Variants in SHQ1 observed in about 807,000 individuals in gnomAD.
The protein encoded by SHQ1 is SHQ1, H/ACA ribonucleoprotein assembly factor, also known as protein SHQ1 homolog.
SHQ1 carries 49 observed loss-of-function variants against 53.8 expected under a neutral mutation model. The observed-to-expected ratio is 0.91, with a 90% CI of 0.72 to 1.16. The LOEUF (loss-of-function observed/expected upper bound fraction) is 1.16, where lower values mean the gene tolerates loss of function less well. Among genes scored for constraint, SHQ1 ranks in the 50% most tolerant of loss-of-function variants. The pLI, the probability that SHQ1 is intolerant of heterozygous loss-of-function variation, is 0.00. For missense variants in SHQ1, 738 were observed against 683.1 expected (o/e 1.08, Z -0.90); for synonymous variants, 243 against 251.0 (o/e 0.97, Z 0.30).
intron 10 of SHQ1, chr3:72,753,151 AG>A: frequency 1.0e-6 from 1 of 984,302 alleles, no homozygotes; most frequent in East Asian, 1.1e-4. Flanking sequence ...TGACAACTGA[AG>A]AAAGGTGACA....
At chr3:72,825,512 A>T (rs1228158770) in intron 5 of SHQ1, among the ~76,000 whole-genome samples, 1 of 152,154 alleles carries the variant, frequency 6.6e-6, no homozygotes, top group Non-Finnish European at 1.5e-5. Context: ...ATTTGTAGAG[A>T]ACAGAAAGCT....
intron 1 of SHQ1, chr3:72,846,244 C>T: frequency 2.0e-6 from 3 of 1,534,750 alleles, no homozygotes; most frequent in African/African-American, 1.4e-5. Context: ...AGTCTCCATT[C>T]TTCAAGGAGA....
chr3:72,767,062 T>A (rs1705745929), intron 10 of SHQ1, among the ~76,000 whole-genome samples: 1 of 152,194 alleles, frequency 6.6e-6, no homozygotes, highest in Non-Finnish European at 1.5e-5. Context: ...TTGACAAAGA[T>A]GAAGCCTAGA....
chr3:72,761,487 T>C (rs993656213), intron 10 of SHQ1, among the ~76,000 whole-genome samples: 4 of 152,234 alleles, frequency 2.6e-5, no homozygotes, highest in African/African-American at 9.6e-5. Context: ...ATAAAATTTT[T>C]AGATGTATTT....
the SHQ1 span, among the ~76,000 whole-genome samples, chr3:72,730,738 TACACACA>T: frequency 6.6e-6 from 1 of 152,166 alleles, no homozygotes; most frequent in East Asian, 1.9e-4. Flanking sequence ...TGACCAGCAG[TACACACA>T]CCTTCATCCA....
chr3:72,783,769 T>C (rs1449420174), intron 10 of SHQ1, among the ~76,000 whole-genome samples: 9 of 152,210 alleles, frequency 5.9e-5, no homozygotes, highest in Non-Finnish European at 1.3e-4. Flanking sequence ...GATTAGAATG[T>C]TTGTATGTAT....
At chr3:72,846,730 G>T (rs1264615516) in intron 1 of SHQ1, among the ~76,000 whole-genome samples, 1 of 152,180 alleles carries the variant, frequency 6.6e-6, no homozygotes, top group Non-Finnish European at 1.5e-5. Context: ...AGTGACACAG[G>T]AATTAGACCT....
intron 1 of SHQ1, among the ~76,000 whole-genome samples, chr3:72,846,939 C>T (rs1440502756): frequency 6.6e-6 from 1 of 152,206 alleles, no homozygotes; most frequent in African/African-American, 2.4e-5. Context: ...CACATCTTGG[C>T]TTAAATATCG....
chr3:72,798,837 G>T (rs922801692), intron 9 of SHQ1, among the ~76,000 whole-genome samples: 1 of 152,204 alleles, frequency 6.6e-6, no homozygotes, highest in African/African-American at 2.4e-5. Context: ...AATGTAAGTT[G>T]CTAATTCTAT....
At chr3:72,733,002 G>T in the SHQ1 span, among the ~76,000 whole-genome samples, 1 of 151,660 alleles carries the variant, frequency 6.6e-6, no homozygotes, top group East Asian at 1.9e-4. Flanking sequence ...TTCTAAGCCT[G>T]GCCACGGTGC....
At chr3:72,741,900 G>A in the SHQ1 span, among the ~76,000 whole-genome samples, 2 of 152,132 alleles carry the variant, frequency 1.3e-5, no homozygotes, top group Non-Finnish European at 2.9e-5. Flanking sequence ...GGTATTATAA[G>A]TAATCTAGAG....
At chr3:72,746,106 G>A (rs148243472), downstream of SHQ1, among the ~76,000 whole-genome samples, 694 of 152,272 alleles carry the variant, frequency 4.6e-3, 4 homozygotes, top group African/African-American at 0.016. Flanking sequence ...GCCTCCCAAA[G>A]TGCTGAGATT....
At chr3:72,789,851 C>CT (rs1344892734) in intron 10 of SHQ1, among the ~76,000 whole-genome samples, 4 of 152,326 alleles carry the variant, frequency 2.6e-5, no homozygotes. Flanking sequence ...TCATTCATTC[C>CT]TTTTCCTATA....
chr3:72,732,234 C>T, the SHQ1 span, among the ~76,000 whole-genome samples: 1 of 151,444 alleles, frequency 6.6e-6, no homozygotes, highest in Non-Finnish European at 1.5e-5. Context: ...GTGCCCTGGG[C>T]AGCTTCCAGG....
At chr3:72,789,667 A>G (rs1256884360) in intron 10 of SHQ1, among the ~76,000 whole-genome samples, 1 of 152,250 alleles carries the variant, frequency 6.6e-6, no homozygotes, top group Non-Finnish European at 1.5e-5. Flanking sequence ...AGTAAAACTG[A>G]TTGTGCTCAC....
At chr3:72,772,576 C>T (rs897230409) in intron 10 of SHQ1, 2 of 699,164 alleles carry the variant, frequency 2.9e-6, no homozygotes, top group South Asian at 1.4e-5. Flanking sequence ...TTATCCAGAA[C>T]CATTTTTGAT....
intron 10 of SHQ1, among the ~76,000 whole-genome samples, chr3:72,767,028 A>T (rs1705745545): frequency 6.6e-6 from 1 of 152,170 alleles, no homozygotes; most frequent in South Asian, 2.1e-4. Context: ...GACCACACAG[A>T]TCTAATCTAA....
chr3:72,751,543 C>CACAT, intron 10 of SHQ1, among the ~76,000 whole-genome samples: 1 of 116,836 alleles, frequency 8.6e-6, no homozygotes, highest in Non-Finnish European at 1.7e-5. Context: ...TATACATACA[C>CACAT]TAATAAAGCC....
At chr3:72,788,575 G>A (rs1232253455) in intron 10 of SHQ1, among the ~76,000 whole-genome samples, 1 of 152,226 alleles carries the variant, frequency 6.6e-6, no homozygotes, top group African/African-American at 2.4e-5. Context: ...CCGTCTGGGA[G>A]GTGTACCCAA....
Sources: allele counts gnomAD v4.1 joint callset (sites outside exome capture counted in the v4.1 genomes callset), GRCh38; gene constraint gnomAD v4.1.1; transcripts MANE v1.5; gene names NCBI Gene and HGNC (gene_info 2026-07-23, HGNC 2026-07-21).